The following ABHD12B variants were observed in gnomAD, a reference collection of about 807,000 sequenced individuals.
ABHD12B encodes the protein abhydrolase domain containing 12B.
ABHD12B carries 42 observed loss-of-function variants against 50.4 expected under a neutral mutation model. The observed-to-expected ratio is 0.83, with a 90% confidence interval of 0.65 to 1.08. The LOEUF (loss-of-function observed/expected upper bound fraction) is 1.08, where lower values mean the gene tolerates loss of function less well. Ranked by LOEUF, ABHD12B falls within the 50% of genes least tolerant of loss-of-function variation. The pLI is 0.00. For missense variants in ABHD12B, 479 were observed against 447.7 expected (o/e 1.07, Z -0.63); for synonymous variants, 167 against 160.3 (o/e 1.04, Z -0.32).
chr14:50,876,236 C>T (rs145472938), intron 1 of ABHD12B, among the ~76,000 whole-genome samples: 19 of 152,320 alleles, frequency 1.2e-4, no homozygotes, highest in Admixed American at 3.9e-4. Flanking sequence ...CAATTGCCAG[C>T]GTATGATGTA....
chr14:50,895,145 A>G (rs1477210703), intron 9 of ABHD12B, among the ~76,000 whole-genome samples: 1 of 150,092 alleles, frequency 6.7e-6, no homozygotes, highest in African/African-American at 2.5e-5. Flanking sequence ...ACCCTGAGAC[A>G]CTTTACAGCC....
chr14:50,900,330 A>G lies in ABHD12B; in HGVS notation c.781-1499A>G, dbSNP rs535833216. The stretch of plus-strand genomic sequence containing the variant: ...GATAATAACAAAGTGTACGCCAGGG[A>G]TATTTGCACAATAGACTCATTTTGT... On this transcript the variant is annotated intron_variant, in intron 9 of 12. Transcript: ENST00000337334. Among the ~76,000 whole-genome samples, 183 of 152,344 alleles carry G rather than the reference A, an allele frequency of 1.2e-3. 1 individual carries two copies. Among genetic ancestry groups the G allele is most frequent in the Non-Finnish European group, 2.0e-3 (135 of 68,030 alleles).
intron 9 of ABHD12B, among the ~76,000 whole-genome samples, chr14:50,899,804 C>G (rs755842450): frequency 1.3e-5 from 2 of 151,938 alleles, no homozygotes; most frequent in Non-Finnish European, 2.9e-5. Context: ...TGCCTGTAGT[C>G]CCAGCTACTT....
At chr14:50,878,346 G>A (rs909792945) in intron 2 of ABHD12B, among the ~76,000 whole-genome samples, 11 of 152,160 alleles carry the variant, frequency 7.2e-5, no homozygotes, top group African/African-American at 2.7e-4. Flanking sequence ...CTGGTAAGCA[G>A]GTAGTTCTGG....
At chr14:50,889,431 A>C (rs2050087456) in intron 9 of ABHD12B, among the ~76,000 whole-genome samples, 1 of 152,236 alleles carries the variant, frequency 6.6e-6, no homozygotes, top group African/African-American at 2.4e-5. Flanking sequence ...CAAGGTCAAG[A>C]GATCGAGACC....
chr14:50,882,218 G>A (rs930512616), intron 5 of ABHD12B, among the ~76,000 whole-genome samples: 6 of 141,840 alleles, frequency 4.2e-5, no homozygotes, highest in East Asian at 2.2e-4. Context: ...TTACAGGCGC[G>A]AACCACCTCA....
intron 9 of ABHD12B, among the ~76,000 whole-genome samples, chr14:50,889,567 G>C (rs1228319910): frequency 6.6e-6 from 1 of 152,196 alleles, no homozygotes; most frequent in Non-Finnish European, 1.5e-5. Flanking sequence ...GAACCCGGGA[G>C]GCAGAGGTTG....
At chr14:50,880,367 T>C in intron 3 of ABHD12B, 85 bp from the exon 4 acceptor site, 1 of 1,375,824 alleles carries the variant, frequency 7.3e-7, no homozygotes, top group Non-Finnish European at 9.6e-7. Context: ...AATATATGTA[T>C]ATATATCATA....
At chr14:50,881,765 T>TTTGAGCCC in intron 5 of ABHD12B, 139 bp downstream of exon 5, 1 of 955,044 alleles carries the variant, frequency 1.0e-6, no homozygotes, top group Non-Finnish European at 1.6e-6. Context: ...TGTCTGGGGC[T>TTTGAGCCC]CAAAGTCCCA....
At chr14:50,878,169 A>G in intron 2 of ABHD12B, 90 bp downstream of exon 2, 1 of 1,139,810 alleles carries the variant, frequency 8.8e-7, no homozygotes, top group Non-Finnish European at 1.2e-6. Context: ...GTGAAAAGAC[A>G]TGTCAGCTGT....
At chr14:50,897,864 T>G (rs2050216190) in intron 9 of ABHD12B, among the ~76,000 whole-genome samples, 1 of 152,220 alleles carries the variant, frequency 6.6e-6, no homozygotes, top group Non-Finnish European at 1.5e-5. Flanking sequence ...CAAATACTTG[T>G]TCCTTTCCGT....
In ABHD12B at chr14:50,904,835, T is replaced by G. The variant is rs2050310733; in HGVS notation, c.*469T>G. The G allele has an allele frequency of 3.9e-5, 9 of 229,128 alleles. No homozygotes were observed. In the South Asian group the frequency reaches 5.3e-4, roughly 14 times the overall value. 14.2% of individuals were successfully genotyped at this position (229,128 alleles called of 1,614,324 possible). The stretch of plus-strand genomic sequence containing the variant: ...AAGAGCTCTTCACTCCTCCTACCAT[T>G]TGAGGATACAGTGAGAAGCCTTCAT... On this transcript the variant is annotated 3_prime_UTR_variant, in exon 13 of 13. Coordinates refer to ENST00000337334, the MANE Select transcript of ABHD12B (RefSeq NM_001206673.2).
chr14:50,875,110 A>G (rs1302849014), intron 1 of ABHD12B, among the ~76,000 whole-genome samples: 1 of 152,248 alleles, frequency 6.6e-6, no homozygotes, highest in East Asian at 1.9e-4. Flanking sequence ...TGGAGAAGAC[A>G]GGGCTAATAA....
intron 4 of ABHD12B, 21 bp downstream of exon 4, chr14:50,880,592 A>ATT: frequency 6.0e-6 from 9 of 1,506,508 alleles, no homozygotes; most frequent in South Asian, 1.3e-5. Context: ...CTGCTTACAT[A>ATT]TTTTTTTTTC....
chr14:50,882,093 G>A (rs1337026408), intron 5 of ABHD12B, among the ~76,000 whole-genome samples: 5 of 151,612 alleles, frequency 3.3e-5, no homozygotes, highest in South Asian at 2.1e-4. Context: ...CAACCACCAC[G>A]CCCGGCTAAT....
chr14:50,872,366 C>T (rs1373899178), intron 1 of ABHD12B, 88 bp downstream of exon 1: 1 of 959,260 alleles, frequency 1.0e-6, no homozygotes, highest in Non-Finnish European at 1.3e-6. Flanking sequence ...CGGCCGAGGC[C>T]GCAATCCCCT....
intron 3 of ABHD12B, among the ~76,000 whole-genome samples, chr14:50,880,056 C>T (rs1329789250): frequency 6.6e-6 from 1 of 152,192 alleles, no homozygotes; most frequent in Non-Finnish European, 1.5e-5. Flanking sequence ...ACTGGTTTCT[C>T]TTTAAATTAT....
intron 8 of ABHD12B, among the ~76,000 whole-genome samples, chr14:50,888,455 G>A (rs1253820595): frequency 6.6e-6 from 1 of 152,114 alleles, no homozygotes; most frequent in Non-Finnish European, 1.5e-5. Context: ...GCCTGCCGTG[G>A]CCTCCCAAAA....
At chr14:50,881,685 A>G (rs376109019) in intron 5 of ABHD12B, 59 bp downstream of exon 5, 6 of 1,601,406 alleles carry the variant, frequency 3.7e-6, no homozygotes, top group African/African-American at 1.4e-5. Flanking sequence ...ATGTCATAAG[A>G]TTTTCCTCAG....
Sources: allele counts gnomAD v4.1 joint callset (sites outside exome capture counted in the v4.1 genomes callset), GRCh38; gene constraint gnomAD v4.1.1; transcripts MANE v1.5; gene names NCBI Gene and HGNC (gene_info 2026-07-23, HGNC 2026-07-21).